RNF217: variants seen among roughly 807,000 people sequenced by gnomAD.
RNF217 encodes the protein E3 ubiquitin-protein ligase RNF217.
A neutral mutation model predicts 57.8 loss-of-function variants in RNF217; 31 were observed. The observed-to-expected ratio is 0.54, with a 90% CI of 0.40 to 0.72. RNF217 has a LOEUF of 0.72. Ranked by LOEUF, RNF217 falls within the 30% of genes least tolerant of loss-of-function variation. The pLI is 0.00. For synonymous variants in RNF217, 313 were observed against 294.0 expected (o/e 1.06, Z -0.66); for missense variants, 696 against 708.3 (o/e 0.98, Z 0.20).
rs9385361 is a variant in RNF217, at chr6:125,019,833, T to C, written c.883-25378T>C. On this transcript the variant is annotated intron_variant, in intron 1 of 5. Coordinates refer to ENST00000521654, the MANE Select transcript of RNF217 (RefSeq NM_001286398.3). Reference sequence around the variant, plus strand: ...TTGCTTGATGTCCCCTTTTTTGCAGTGGGGGGGGAGTGAAAAAATCCTTTA... The same window carrying C: ...TTGCTTGATGTCCCCTTTTTTGCAGCGGGGGGGGAGTGAAAAAATCCTTTA... 2.1e-4 allele frequency among the ~76,000 whole-genome samples: 31 copies of C among 146,482 alleles called. No individual in the cohort carries two copies. The East Asian group carries it at 4.5e-3, about 21-fold the overall frequency.
Position 125,092,509 on chromosome 6 carries a change from A to G in RNF217, c.*9572A>G, listed in dbSNP as rs1788986990. On this transcript the variant is annotated 3_prime_UTR_variant, in exon 6 of 6. Coordinates refer to ENST00000521654, the MANE Select transcript of RNF217 (RefSeq NM_001286398.3). ...TGAAAACTATAACGGTTTTCAAACT[A>G]TTTTGATGGTCATTGTACGAGCTAT... 1.3e-5 allele frequency: 2 copies of G among 152,198 alleles called. No individual in the cohort carries two copies. Among genetic ancestry groups the G allele is most frequent in the African/African-American group, 2.4e-5 (1 of 41,448 alleles). 9.4% of individuals were successfully genotyped at this position (152,198 alleles called of 1,614,324 possible).
intron 1 of RNF217, among the ~76,000 whole-genome samples, chr6:124,987,236 A>G (rs908643094): frequency 6.6e-6 from 1 of 152,228 alleles, no homozygotes; most frequent in African/African-American, 2.4e-5. Context: ...TATGTTTCAC[A>G]TATCGTATAG....
chr6:124,977,375 A>G (rs1293459459), intron 1 of RNF217, among the ~76,000 whole-genome samples: 1 of 152,234 alleles, frequency 6.6e-6, no homozygotes, highest in Non-Finnish European at 1.5e-5. Context: ...GTTAAAACAA[A>G]GTATTAAAAT....
At position 125,086,264 on chromosome 6, in the gene RNF217, G is replaced by T. The variant is rs537467069; in HGVS notation, c.*3327G>T. On this transcript the variant is annotated 3_prime_UTR_variant, in exon 6 of 6. Transcript: ENST00000521654. ...TCTTTTGAAGGGTAATTTCCTTTCTGCCTGATTAGCCAAATAAATACCTTG... is the reference window on the plus strand; with the variant it reads ...TCTTTTGAAGGGTAATTTCCTTTCTTCCTGATTAGCCAAATAAATACCTTG... 1 of 151,982 alleles carries T rather than the reference G, an allele frequency of 6.6e-6. No homozygotes were observed. The highest frequency in any genetic ancestry group is 2.1e-4 in the South Asian group (1 of 4,818). The allele number at this position is 151,982 out of a possible 1,614,324, so 9.4% of individuals were successfully genotyped here. A position where few individuals can be genotyped will look rare whatever the true frequency, so the allele number is the denominator to read the frequency against.
intron 2 of RNF217, among the ~76,000 whole-genome samples, chr6:125,045,985 G>A (rs893635705): frequency 2.0e-5 from 3 of 152,016 alleles, no homozygotes; most frequent in Non-Finnish European, 4.4e-5. Context: ...TTCTAAAAAT[G>A]ACAGTCCAAT....
rs1788896525 is a variant in RNF217 at position 125,090,246 on chromosome 6, A to G, written c.*7309A>G. 6.6e-6 allele frequency: 1 copy of G among 152,046 alleles called. No homozygotes were observed. The highest frequency in any genetic ancestry group is 2.4e-5 in the African/African-American group (1 of 41,428). 9.4% of individuals were successfully genotyped at this position (152,046 alleles called of 1,614,324 possible). A position where few individuals can be genotyped will look rare whatever the true frequency, so the allele number is the denominator to read the frequency against. On this transcript the variant is annotated 3_prime_UTR_variant, in exon 6 of 6. Coordinates refer to ENST00000521654, the MANE Select transcript of RNF217 (RefSeq NM_001286398.3). ...CAGATTTTTAATATGAAAATTGACA[A>G]TTTTGTTGCTTTTAGAAGCAATTAA...
intron 1 of RNF217, among the ~76,000 whole-genome samples, chr6:125,031,781 G>T (rs1484009843): frequency 1.3e-5 from 2 of 152,072 alleles, no homozygotes; most frequent in Non-Finnish European, 2.9e-5. Context: ...TCCAACCTCT[G>T]CCTGTTACCT....
intron 1 of RNF217, among the ~76,000 whole-genome samples, chr6:125,009,774 C>T (rs913619458): frequency 1.3e-5 from 2 of 152,074 alleles, no homozygotes; most frequent in African/African-American, 4.8e-5. Flanking sequence ...CGTGCACATT[C>T]GTTGGGAGAA....
intron 1 of RNF217, among the ~76,000 whole-genome samples, chr6:125,026,674 T>G (rs981482230): frequency 2.0e-5 from 3 of 152,158 alleles, no homozygotes; most frequent in East Asian, 3.8e-4. Flanking sequence ...CACAGTTAGG[T>G]GCTATACAAG....
intron 1 of RNF217, among the ~76,000 whole-genome samples, chr6:124,972,715 CTT>C (rs1374447235): frequency 6.6e-6 from 1 of 152,150 alleles, no homozygotes; most frequent in Non-Finnish European, 1.5e-5. Flanking sequence ...CCCTAACTCT[CTT>C]TGCCCCATTC....
chr6:125,052,522 G>A (rs1245843522), intron 2 of RNF217, among the ~76,000 whole-genome samples: 1 of 151,954 alleles, frequency 6.6e-6, no homozygotes, highest in Non-Finnish European at 1.5e-5. Context: ...TCCATGCAGG[G>A]AAGAGATCCC....
At chr6:124,984,533 C>A (rs977257294) in intron 1 of RNF217, among the ~76,000 whole-genome samples, 2 of 128,046 alleles carry the variant, frequency 1.6e-5, no homozygotes, top group Non-Finnish European at 3.3e-5. Flanking sequence ...CAGACTGAGA[C>A]CCTTTCTCAA....
intron 1 of RNF217, among the ~76,000 whole-genome samples, chr6:125,029,970 A>T (rs1786278994): frequency 6.6e-6 from 1 of 152,144 alleles, no homozygotes; most frequent in Non-Finnish European, 1.5e-5. Flanking sequence ...CTGGGAAGAA[A>T]AAGAGGTATA....
rs475076 is a variant in RNF217, at chr6:125,057,966, G to T, written c.1141G>T (p.Val381Phe). The change falls in exon 3 of 6, where the codon GTC becomes TTC. Residue 381 changes from valine (V) to phenylalanine (F), a missense_variant. Transcript: ENST00000521654. ...YKIQCPTCQF[V>F]WCFKCHSPWH... Reference sequence around the variant, plus strand: ...GATCCAGTGCCCTACCTGCCAATTCGTCTGGTGTTTTAAGTGCCACTCTCC... The same window carrying T: ...GATCCAGTGCCCTACCTGCCAATTCTTCTGGTGTTTTAAGTGCCACTCTCC... 6.2e-7 allele frequency: 1 copy of T among 1,610,122 alleles called. No individual in the cohort carries two copies. The highest frequency in any genetic ancestry group is 1.1e-5 in the South Asian group (1 of 90,294).
intron 3 of RNF217, among the ~76,000 whole-genome samples, chr6:125,072,667 T>G (rs1788193990): frequency 1.3e-5 from 2 of 152,308 alleles, no homozygotes; most frequent in Admixed American, 6.5e-5. Context: ...GAACAAGTTT[T>G]TCTGTCAGGA....
At chr6:124,988,063 GCCT>G (rs1784422215) in intron 1 of RNF217, among the ~76,000 whole-genome samples, 1 of 152,116 alleles carries the variant, frequency 6.6e-6, no homozygotes, top group Admixed American at 6.5e-5. Flanking sequence ...CCTGAGCTCC[GCCT>G]CCTATCAGGT....
chr6:125,065,040 C>G (rs1787884403), intron 3 of RNF217, among the ~76,000 whole-genome samples: 1 of 151,854 alleles, frequency 6.6e-6, no homozygotes, highest in African/African-American at 2.4e-5. Context: ...CTTTGGGAGG[C>G]CGAGGCGGGC....
intron 1 of RNF217, among the ~76,000 whole-genome samples, chr6:125,028,499 C>G (rs960678554): frequency 1.3e-5 from 2 of 151,874 alleles, no homozygotes; most frequent in Admixed American, 1.3e-4. Context: ...GAATATAGTG[C>G]AAAATTTCTT....
At chr6:125,037,366 A>G (rs761096207) in intron 1 of RNF217, among the ~76,000 whole-genome samples, 7 of 152,188 alleles carry the variant, frequency 4.6e-5, no homozygotes, top group Non-Finnish European at 8.8e-5. Flanking sequence ...GAAGTTTTCT[A>G]CTTGGGAATA....
Sources: gnomAD v4.1 joint callset for allele counts (sites outside exome capture counted in the v4.1 genomes callset) on GRCh38, gnomAD v4.1.1 for gene constraint, MANE v1.5 for transcripts, NCBI Gene and HGNC (gene_info 2026-07-23, HGNC 2026-07-21) for gene names.